The following MCF2 variants were observed in gnomAD, a reference collection of about 807,000 sequenced individuals.
The protein encoded by MCF2 is proto-oncogene DBL.
MCF2 carries 44 observed loss-of-function variants against 82.5 expected under a neutral mutation model. The ratio of observed to expected loss-of-function variants is 0.53; its 90% confidence interval spans 0.42 to 0.69. The LOEUF is 0.69. Ranked by LOEUF, MCF2 falls within the 30% of genes least tolerant of loss-of-function variation. The pLI is 0.00. For synonymous variants in MCF2, 217 were observed against 224.9 expected (o/e 0.96, Z 0.32); for missense variants, 623 against 663.1 (o/e 0.94, Z 0.66).
exon 1 of MCF2, chrX:139,642,678 G>A: frequency 9.1e-7 from 1 of 1,095,054 alleles, no homozygotes; most frequent in Non-Finnish European, 1.2e-6. Flanking sequence ...GCAATGCTGG[G>A]GAGGAAAAAA....
In MCF2 at chrX:139,636,917, C is replaced by G. The variant is rs6654368; in HGVS notation, c.52-4463G>C. 1.0e-2 allele frequency among the ~76,000 whole-genome samples: 1,114 copies of G among 111,500 alleles called. 10 individuals are homozygous for G. The highest frequency in any genetic ancestry group is 0.033 in the African/African-American group (1,024 of 30,686). On this transcript the variant is annotated intron_variant, in intron 1 of 24. Transcript: ENST00000370576. ...TTGCTTCTAAAGATAATTCTATATG[C>G]TAATCAGTTCATTCTTAAGTAAAAC...
intron 6 of MCF2, 103 bp from the exon 10 acceptor site, chrX:139,619,809 T>C: frequency 1.7e-6 from 1 of 572,091 alleles, no homozygotes; most frequent in Non-Finnish European, 2.6e-6. Flanking sequence ...CATGGAGAAA[T>C]TACACATATA....
intron 1 of MCF2, among the ~76,000 whole-genome samples, chrX:139,670,402 T>A (rs1934648051): frequency 9.0e-6 from 1 of 111,325 alleles, no homozygotes; most frequent in South Asian, 3.9e-4. Flanking sequence ...CATGTTGGTT[T>A]GCTGCACCCA....
intron 1 of MCF2, among the ~76,000 whole-genome samples, chrX:139,675,058 T>C (rs1234929623): frequency 8.9e-6 from 1 of 112,305 alleles, no homozygotes; most frequent in Non-Finnish European, 1.9e-5. Context: ...CTCGCTTGGT[T>C]TCATTAACTT....
chrX:139,591,879 T>G (rs1034035589), intron 19 of MCF2, among the ~76,000 whole-genome samples: 1 of 108,840 alleles, frequency 9.2e-6, no homozygotes, highest in Non-Finnish European at 1.9e-5. Flanking sequence ...ATGTACCCCC[T>G]GAATCTAAAA....
At chrX:139,706,935 G>A (rs188890615) in intron 1 of MCF2, among the ~76,000 whole-genome samples, 2 of 110,149 alleles carry the variant, frequency 1.8e-5, no homozygotes, top group Non-Finnish European at 3.8e-5. Context: ...CCCATATAAA[G>A]AAGTTAGTAG....
intron 1 of MCF2, among the ~76,000 whole-genome samples, chrX:139,669,149 A>C (rs1006570520): frequency 8.9e-6 from 1 of 112,175 alleles, no homozygotes; most frequent in Non-Finnish European, 1.9e-5. Flanking sequence ...GATAAGGGAC[A>C]TGTATCTAGA....
intron 23 of MCF2, among the ~76,000 whole-genome samples, chrX:139,585,805 G>C (rs1928899102): frequency 8.9e-6 from 1 of 112,080 alleles, no homozygotes; most frequent in African/African-American, 3.2e-5. Context: ...CTAGCACTTT[G>C]CATAACTCCT....
At chrX:139,651,364 A>G (rs939968221) in intron 2 of MCF2, among the ~76,000 whole-genome samples, 3 of 111,383 alleles carry the variant, frequency 2.7e-5, no homozygotes, top group Non-Finnish European at 5.7e-5. Flanking sequence ...TGAGTAATCA[A>G]AGAAGCTACC....
At chrX:139,606,016 C>CATATAT (rs71534302) in intron 12 of MCF2, among the ~76,000 whole-genome samples, 1,168 of 96,675 alleles carry the variant, frequency 0.012, 14 homozygotes, top group African/African-American at 0.029. Context: ...ATATATATAA[C>CATATAT]ATATATATAT....
chrX:139,592,102 G>T (rs1929571518), intron 19 of MCF2, among the ~76,000 whole-genome samples: 1 of 111,511 alleles, frequency 9.0e-6, no homozygotes, highest in Non-Finnish European at 1.9e-5. Context: ...CTAATTTTTA[G>T]TGGTATCACC....
chrX:139,670,541 C>A (rs957963996), intron 1 of MCF2, among the ~76,000 whole-genome samples: 2 of 110,511 alleles, frequency 1.8e-5, no homozygotes, highest in Admixed American at 9.6e-5. Context: ...CAATTCCCAC[C>A]TATGGGTCAG....
chrX:139,706,980 C>A (rs868355881), intron 1 of MCF2, among the ~76,000 whole-genome samples: 3 of 110,011 alleles, frequency 2.7e-5, no homozygotes, highest in Non-Finnish European at 3.8e-5. Flanking sequence ...TGAAGTACAT[C>A]AATGAAGAGC....
intron 2 of MCF2, among the ~76,000 whole-genome samples, chrX:139,648,537 G>C (rs181701442): frequency 6.4e-4 from 72 of 112,161 alleles, no homozygotes; most frequent in African/African-American, 2.1e-3. Context: ...ATGATAGTAA[G>C]ATGGTAGATT....
intron 6 of MCF2, among the ~76,000 whole-genome samples, chrX:139,621,085 T>C (rs1932318788): frequency 9.1e-6 from 1 of 110,269 alleles, no homozygotes; most frequent in African/African-American, 3.3e-5. Flanking sequence ...TCAACGAAAA[T>C]AATCAAAGGG....
chrX:139,704,926 C>T (rs762520091), intron 1 of MCF2, among the ~76,000 whole-genome samples: 1 of 110,641 alleles, frequency 9.0e-6, no homozygotes, highest in East Asian at 2.8e-4. Flanking sequence ...AAAAAGAGCC[C>T]AAATAACCAA....
chrX:139,668,011 C>G (rs772711722), intron 1 of MCF2, among the ~76,000 whole-genome samples: 10 of 111,982 alleles, frequency 8.9e-5, no homozygotes, highest in Non-Finnish European at 1.5e-4. Flanking sequence ...TCAGCCCCAG[C>G]TGTAGGAGCC....
chrX:139,602,427 A>G, exon 16 of MCF2: 20 of 1,202,347 alleles, frequency 1.7e-5, no homozygotes, highest in Non-Finnish European at 2.1e-5. Flanking sequence ...CGCATTCTGA[A>G]TACTTCCTCC....
chrX:139,692,216 C>T, intron 1 of MCF2: 1 of 733,565 alleles, frequency 1.4e-6, no homozygotes, highest in Non-Finnish European at 2.0e-6. Flanking sequence ...GGCCGCTACT[C>T]CAGCCAGCAG....
Sources: gnomAD v4.1 joint callset for allele counts (sites outside exome capture counted in the v4.1 genomes callset) on GRCh38, gnomAD v4.1.1 for gene constraint, MANE v1.5 for transcripts, NCBI Gene and HGNC (gene_info 2026-07-23, HGNC 2026-07-21) for gene names.